Variants in NFKB1 observed in about 807,000 individuals in gnomAD.
NFKB1 encodes nuclear factor kappa B subunit 1.
A neutral mutation model predicts 105.1 loss-of-function variants in NFKB1; 9 were observed. The observed-to-expected ratio is 0.09, with a 90% CI of 0.05 to 0.15. The LOEUF (loss-of-function observed/expected upper bound fraction) is 0.15. Among genes scored for constraint, NFKB1 ranks in the 10% least tolerant of loss-of-function variants. The pLI is 1.00. For synonymous variants in NFKB1, 440 were observed against 442.2 expected (o/e 1.00, Z 0.06); for missense variants, 830 against 1,203.7 (o/e 0.69, Z 4.59).
At chr4:102,519,013 T>C (rs1004501422) in intron 1 of NFKB1, among the ~76,000 whole-genome samples, 1 of 152,160 alleles carries the variant, frequency 6.6e-6, no homozygotes. Context: ...GAAATAGATG[T>C]TTCCTCTTGT....
chr4:102,585,311 G>A (rs533244381), intron 11 of NFKB1, among the ~76,000 whole-genome samples: 2 of 152,250 alleles, frequency 1.3e-5, no homozygotes, highest in African/African-American at 2.4e-5. Context: ...AGAGACAGTA[G>A]TATATTATTT....
intron 5 of NFKB1, among the ~76,000 whole-genome samples, chr4:102,566,018 GGGCTCT>G (rs1723836850): frequency 2.6e-5 from 4 of 152,142 alleles, no homozygotes; most frequent in African/African-American, 9.7e-5. Context: ...ATTTATCACA[GGGCTCT>G]GACTTGATAG....
intron 6 of NFKB1, among the ~76,000 whole-genome samples, chr4:102,567,431 G>T (rs1027533921): frequency 1.3e-5 from 2 of 152,022 alleles, no homozygotes; most frequent in Non-Finnish European, 2.9e-5. Context: ...GACCTACAAG[G>T]TATTTGTGCC....
At chr4:102,612,687 C>T in intron 22 of NFKB1, 81 bp downstream of exon 22, 4 of 1,338,514 alleles carry the variant, frequency 3.0e-6, no homozygotes, top group Non-Finnish European at 4.1e-6. Context: ...TAATCTCCTT[C>T]CCTTTTCCTT....
chr4:102,535,160 T>G (rs1379705883), intron 4 of NFKB1, among the ~76,000 whole-genome samples: 1 of 152,138 alleles, frequency 6.6e-6, no homozygotes, highest in Non-Finnish European at 1.5e-5. Flanking sequence ...CCAGTGAAAT[T>G]TTATCCCTTA....
intron 5 of NFKB1, among the ~76,000 whole-genome samples, chr4:102,563,652 A>T (rs1184874792): frequency 1.3e-5 from 2 of 152,068 alleles, no homozygotes; most frequent in Non-Finnish European, 2.9e-5. Context: ...TCCCTTTTAC[A>T]GATGGGGAAA....
chr4:102,612,009 T>C, intron 20 of NFKB1, 35 bp from the exon 21 acceptor site: 3 of 1,566,406 alleles, frequency 1.9e-6, no homozygotes, highest in Middle Eastern at 1.7e-4. Context: ...GTCCCTTCGA[T>C]GTATAACGAT....
At chr4:102,537,700 GA>G in intron 4 of NFKB1, 157 bp from the exon 5 acceptor site, 1 of 512,002 alleles carries the variant, frequency 2.0e-6, no homozygotes, top group Non-Finnish European at 3.5e-6. Flanking sequence ...AAGATTACGG[GA>G]AAAGTGATTC....
At chr4:102,613,690 A>G in intron 23 of NFKB1, 109 bp downstream of exon 23, 1 of 1,287,986 alleles carries the variant, frequency 7.8e-7, no homozygotes, top group Non-Finnish European at 1.1e-6. Context: ...TTTTCTGGAT[A>G]CACTTCCCTG....
intron 16 of NFKB1, among the ~76,000 whole-genome samples, chr4:102,601,626 C>T (rs1208595916): frequency 6.6e-6 from 1 of 152,188 alleles, no homozygotes; most frequent in Non-Finnish European, 1.5e-5. Context: ...CAGAGGTCTT[C>T]CAACACTGCA....
At chr4:102,551,380 G>A (rs1722594968) in intron 5 of NFKB1, among the ~76,000 whole-genome samples, 2 of 151,230 alleles carry the variant, frequency 1.3e-5, no homozygotes. Context: ...GCGCGCGCAT[G>A]TGTGTGTGTG....
At chr4:102,547,067 TG>T (rs1722195814) in intron 5 of NFKB1, among the ~76,000 whole-genome samples, 1 of 152,096 alleles carries the variant, frequency 6.6e-6, no homozygotes, top group African/African-American at 2.4e-5. Flanking sequence ...TTAGAAAATA[TG>T]TATGCAAATA....
At chr4:102,605,802 A>G (rs1727669023) in intron 16 of NFKB1, among the ~76,000 whole-genome samples, 1 of 152,210 alleles carries the variant, frequency 6.6e-6, no homozygotes, top group Non-Finnish European at 1.5e-5. Flanking sequence ...AAATGGGTGT[A>G]GGAAAGCTAT....
In NFKB1 at chr4:102,576,969, T is replaced by TATA; in HGVS notation, c.501_502insATA (p.Asn167_Pro168insIle). 1 of 1,613,914 alleles carries TATA rather than the reference T, an allele frequency of 6.2e-7. No homozygotes were observed. The highest frequency in any genetic ancestry group is 1.1e-5 in the South Asian group (1 of 91,046). On this transcript the variant is annotated inframe_insertion, in exon 7 of 24. Transcript: ENST00000226574. ...CAGAGGCGTGTATAAGGGGCTATAA[T>TATA]CCTGGACTCTTGGTGCACCCTGACC...
chr4:102,580,939 T>C (rs1336024105), intron 9 of NFKB1, among the ~76,000 whole-genome samples: 3 of 152,332 alleles, frequency 2.0e-5, no homozygotes, highest in East Asian at 3.9e-4. Flanking sequence ...ATCTGTACTT[T>C]GTTAAACAAA....
chr4:102,590,951 T>C (rs1317306409), intron 11 of NFKB1, among the ~76,000 whole-genome samples: 1 of 152,188 alleles, frequency 6.6e-6, no homozygotes, highest in East Asian at 1.9e-4. Flanking sequence ...ACATTCCCTT[T>C]TACCAAAGCC....
At chr4:102,584,511 G>A (rs1342787984) in intron 10 of NFKB1, among the ~76,000 whole-genome samples, 171 bp from the exon 11 acceptor site, 3 of 152,100 alleles carry the variant, frequency 2.0e-5, no homozygotes, top group African/African-American at 4.8e-5. Context: ...AAATGTATCG[G>A]TATAGAATTC....
At chr4:102,614,365 C>T (rs563214100) in intron 23 of NFKB1, among the ~76,000 whole-genome samples, 3 of 152,192 alleles carry the variant, frequency 2.0e-5, no homozygotes, top group East Asian at 1.9e-4. Context: ...CTGTACTAGC[C>T]GTTCCTCCTC....
chr4:102,610,280 T>C (rs529634733), intron 19 of NFKB1, among the ~76,000 whole-genome samples: 2 of 152,252 alleles, frequency 1.3e-5, no homozygotes, highest in African/African-American at 4.8e-5. Context: ...GATGCACTAT[T>C]CAGTTGAGAA....
Sources: gnomAD v4.1 joint callset for allele counts (sites outside exome capture counted in the v4.1 genomes callset) on GRCh38, gnomAD v4.1.1 for gene constraint, MANE v1.5 for transcripts, NCBI Gene and HGNC (gene_info 2026-07-23, HGNC 2026-07-21) for gene names.